The following NPAS3 variants were observed in gnomAD, a reference collection of about 807,000 sequenced individuals.
NPAS3 encodes neuronal PAS domain protein 3, also known as neuronal PAS domain-containing protein 3.
NPAS3 carries 14 observed loss-of-function variants against 73.1 expected under a neutral mutation model. The observed-to-expected ratio is 0.19, with a 90% confidence interval of 0.13 to 0.30. The LOEUF is 0.30. Among genes scored for constraint, NPAS3 ranks in the 10% least tolerant of loss-of-function variants. The pLI is 1.00. For missense variants in NPAS3, 1,096 were observed against 1,250.0 expected (o/e 0.88, Z 1.86); for synonymous variants, 620 against 541.5 (o/e 1.14, Z -2.01).
chr14:32,997,872 G>T (rs546756759), intron 1 of NPAS3, among the ~76,000 whole-genome samples: 1 of 151,706 alleles, frequency 6.6e-6, no homozygotes, highest in Admixed American at 6.6e-5. Flanking sequence ...TCTTTCCTTT[G>T]TAAATTCCCT....
chr14:33,587,150 C>T (rs1452989462), intron 5 of NPAS3, among the ~76,000 whole-genome samples: 2 of 152,096 alleles, frequency 1.3e-5, no homozygotes, highest in Non-Finnish European at 2.9e-5. Flanking sequence ...TATTTTTGTG[C>T]CCTTTATTCT....
At chr14:33,395,728 C>T (rs2047194444) in intron 4 of NPAS3, among the ~76,000 whole-genome samples, 1 of 152,130 alleles carries the variant, frequency 6.6e-6, no homozygotes, top group African/African-American at 2.4e-5. Context: ...CTGGGGTGGC[C>T]TAAACCTCAG....
chr14:33,301,847 T>C (rs376425174), intron 3 of NPAS3, among the ~76,000 whole-genome samples: 36 of 152,310 alleles, frequency 2.4e-4, no homozygotes, highest in African/African-American at 7.5e-4. Context: ...CATTTATCAT[T>C]GTTTTCCCAT....
chr14:33,676,099 G>A, intron 5 of NPAS3, 112 bp from the exon 6 acceptor site: 1 of 1,022,304 alleles, frequency 9.8e-7, no homozygotes, highest in East Asian at 2.6e-5. Context: ...GATTGTTTCT[G>A]GGACCTGAAT....
At chr14:32,977,387 ATCTAT>A (rs2037732576) in intron 1 of NPAS3, among the ~76,000 whole-genome samples, 1 of 29,702 alleles carries the variant, frequency 3.4e-5, no homozygotes, top group South Asian at 1.0e-3. Context: ...CACACCCCTA[ATCTAT>A]TTATTTAATG....
At chr14:33,593,267 G>A (rs1033788807) in intron 5 of NPAS3, among the ~76,000 whole-genome samples, 11 of 152,110 alleles carry the variant, frequency 7.2e-5, no homozygotes, top group African/African-American at 2.7e-4. Flanking sequence ...AAGAAATTAA[G>A]GTTTGCCCAA....
intron 1 of NPAS3, among the ~76,000 whole-genome samples, chr14:32,945,153 A>C (rs1260567278): frequency 6.6e-6 from 1 of 152,184 alleles, no homozygotes; most frequent in African/African-American, 2.4e-5. Context: ...TAGAAATATA[A>C]GGCTTTCTTT....
chr14:33,293,637 G>T (rs1033614063), intron 3 of NPAS3, among the ~76,000 whole-genome samples: 1 of 152,156 alleles, frequency 6.6e-6, no homozygotes, highest in African/African-American at 2.4e-5. Context: ...GACTTCTCAT[G>T]AACGGTAGAC....
chr14:33,215,495 C>T (rs1212603012), intron 3 of NPAS3, 69 bp downstream of exon 3: 4 of 1,531,784 alleles, frequency 2.6e-6, no homozygotes, highest in Non-Finnish European at 3.6e-6. Flanking sequence ...AAATGTTTAC[C>T]ATCATCCTTT....
At chr14:33,569,715 G>C (rs1445635004) in intron 5 of NPAS3, among the ~76,000 whole-genome samples, 5 of 152,102 alleles carry the variant, frequency 3.3e-5, no homozygotes, top group Non-Finnish European at 7.3e-5. Flanking sequence ...TTATTCTATA[G>C]CCTTGACCTT....
chr14:33,419,781 A>G (rs904312414), intron 4 of NPAS3, among the ~76,000 whole-genome samples: 1 of 151,904 alleles, frequency 6.6e-6, no homozygotes, highest in Admixed American at 6.6e-5. Flanking sequence ...TGATGGAAAA[A>G]TAAAGTGAAA....
intron 4 of NPAS3, among the ~76,000 whole-genome samples, chr14:33,527,829 G>A (rs1211899765): frequency 2.0e-5 from 3 of 152,040 alleles, no homozygotes; most frequent in African/African-American, 4.8e-5. Flanking sequence ...TGGGTTTTAA[G>A]GGACTTTCAG....
rs111591500 is a variant in NPAS3 at position 32,982,840 on chromosome 14, C to T, written c.50+43474C>T. Among the ~76,000 whole-genome samples the T allele has an allele frequency of 9.1e-4, 138 of 152,228 alleles. 1 individual carries two copies. Among genetic ancestry groups the T allele is most frequent in the African/African-American group, 3.2e-3 (132 of 41,534 alleles). On this transcript the variant is annotated intron_variant, in intron 1 of 11. Transcript: ENST00000356141. ...GCTAATATCACTCAGATGGTGGAGG[C>T]GGAGTTAAAACTATTGGCCAAAATA... is the stretch of plus-strand genomic sequence containing the variant.
At chr14:33,777,737 C>T (rs868184707) in intron 8 of NPAS3, among the ~76,000 whole-genome samples, 10 of 152,314 alleles carry the variant, frequency 6.6e-5, no homozygotes, top group Middle Eastern at 3.4e-3. Flanking sequence ...CTCTATTTTT[C>T]CATGCTCTGC....
intron 4 of NPAS3, among the ~76,000 whole-genome samples, chr14:33,481,551 T>C (rs2051324938): frequency 6.6e-6 from 1 of 152,194 alleles, no homozygotes; most frequent in Admixed American, 6.5e-5. Flanking sequence ...AGTAATTAAT[T>C]AGATCATTTA....
intron 2 of NPAS3, among the ~76,000 whole-genome samples, chr14:33,082,449 AC>A (rs1301863394): frequency 6.6e-6 from 1 of 152,138 alleles, no homozygotes. Flanking sequence ...TTAAATGTAA[AC>A]CCTTTTTGTT....
intron 5 of NPAS3, among the ~76,000 whole-genome samples, chr14:33,663,950 C>T (rs112878588): frequency 0.021 from 3,179 of 151,044 alleles, 116 homozygotes; most frequent in African/African-American, 0.072. Context: ...ATCAGTCTGG[C>T]TAGTGGTCTA....
At chr14:33,718,867 T>C (rs2061027665) in intron 6 of NPAS3, among the ~76,000 whole-genome samples, 1 of 152,124 alleles carries the variant, frequency 6.6e-6, no homozygotes, top group Non-Finnish European at 1.5e-5. Flanking sequence ...GGCTCACACC[T>C]GTAATGACAG....
At chr14:33,551,989 A>G (rs554957884) in intron 4 of NPAS3, among the ~76,000 whole-genome samples, 1 of 152,320 alleles carries the variant, frequency 6.6e-6, no homozygotes, top group South Asian at 2.1e-4. Flanking sequence ...TTATAAAGTT[A>G]ATTTTCAACT....
Sources: allele counts gnomAD v4.1 joint callset (sites outside exome capture counted in the v4.1 genomes callset), GRCh38; gene constraint gnomAD v4.1.1; transcripts MANE v1.5; gene names NCBI Gene and HGNC (gene_info 2026-07-23, HGNC 2026-07-21).